The following TRHDE variants were observed in gnomAD, a reference collection of about 807,000 sequenced individuals.
The protein encoded by TRHDE is thyrotropin-releasing hormone-degrading ectoenzyme.
In TRHDE, 72 loss-of-function variants were observed where a neutral mutation model predicts 125.7. That is an observed-to-expected ratio of 0.57 (90% CI 0.47 to 0.70). The LOEUF (loss-of-function observed/expected upper bound fraction) is 0.70, where lower values mean the gene tolerates loss of function less well. Among genes scored for constraint, TRHDE ranks in the 30% least tolerant of loss-of-function variants. TRHDE has a pLI of 0.00. For synonymous variants in TRHDE, 509 were observed against 509.1 expected, an observed-to-expected ratio of 1.00 and a Z score of 0.00; for missense variants, 1,110 against 1,327.1, an observed-to-expected ratio of 0.84 and a Z score of 2.54.
chr12:72,597,656 A>G (rs1871999723), intron 12 of TRHDE, among the ~76,000 whole-genome samples: 1 of 122,120 alleles, frequency 8.2e-6, no homozygotes, highest in Non-Finnish European at 1.6e-5. Context: ...TGCCAGAGCA[A>G]GACCTTGTCT....
At chr12:72,297,637 A>G (rs1259228744) in intron 2 of TRHDE, among the ~76,000 whole-genome samples, 1 of 152,208 alleles carries the variant, frequency 6.6e-6, no homozygotes, top group Non-Finnish European at 1.5e-5. Context: ...AGTGAAAGCC[A>G]TGAACACTGA....
intron 15 of TRHDE, among the ~76,000 whole-genome samples, chr12:72,649,783 A>G (rs1337522706): frequency 6.6e-6 from 1 of 152,088 alleles, no homozygotes; most frequent in Non-Finnish European, 1.5e-5. Flanking sequence ...AGCTATGTGA[A>G]AAAAAGTCAC....
At chr12:72,646,097 G>A (rs1874269083) in intron 15 of TRHDE, among the ~76,000 whole-genome samples, 1 of 151,972 alleles carries the variant, frequency 6.6e-6, no homozygotes, top group Non-Finnish European at 1.5e-5. Context: ...ATGGTGGTGG[G>A]TAAATAATTT....
At chr12:72,267,677 A>T (rs1006236709), upstream of TRHDE, among the ~76,000 whole-genome samples, 1 of 151,988 alleles carries the variant, frequency 6.6e-6, no homozygotes, top group African/African-American at 2.4e-5. Flanking sequence ...AAGTAAAAAT[A>T]AAAAATGAAA....
intron 1 of TRHDE, among the ~76,000 whole-genome samples, chr12:72,281,133 A>G (rs1159470158): frequency 1.3e-5 from 2 of 152,142 alleles, no homozygotes; most frequent in African/African-American, 4.8e-5. Flanking sequence ...CACTTCCTAC[A>G]TACATATTGC....
At chr12:72,514,749 C>T (rs1302277421) in intron 6 of TRHDE, among the ~76,000 whole-genome samples, 5 of 150,446 alleles carry the variant, frequency 3.3e-5, no homozygotes, top group African/African-American at 1.2e-4. Flanking sequence ...AAATCGTCAT[C>T]TAGCATTAGG....
At chr12:72,488,804 C>T (rs529528933) in intron 5 of TRHDE, among the ~76,000 whole-genome samples, 72 of 151,884 alleles carry the variant, frequency 4.7e-4, no homozygotes, top group Middle Eastern at 3.4e-3. Context: ...TAGATAGCAT[C>T]GTTTCAGACC....
intron 6 of TRHDE, among the ~76,000 whole-genome samples, chr12:72,518,175 G>A (rs934489696): frequency 2.0e-5 from 3 of 150,764 alleles, no homozygotes; most frequent in African/African-American, 7.4e-5. Context: ...TTGGTGCAGA[G>A]CTGAGTTCAA....
chr12:72,571,758 C>A (rs1305423197), intron 10 of TRHDE, among the ~76,000 whole-genome samples: 1 of 151,986 alleles, frequency 6.6e-6, no homozygotes. Flanking sequence ...AAAATTAAAG[C>A]AAACATGAAA....
At chr12:72,449,274 C>A (rs1337491600) in intron 3 of TRHDE, among the ~76,000 whole-genome samples, 2 of 151,952 alleles carry the variant, frequency 1.3e-5, no homozygotes, top group Non-Finnish European at 2.9e-5. Context: ...AAATTTAGAG[C>A]AAGTTGACAC....
At chr12:72,662,881 TCA>T (rs1380858115) in intron 18 of TRHDE, among the ~76,000 whole-genome samples, 169 bp from the exon 19 acceptor site, 17 of 152,134 alleles carry the variant, frequency 1.1e-4, no homozygotes, top group African/African-American at 3.9e-4. Context: ...CATATTTCAT[TCA>T]GTTGCCAAGC....
intron 2 of TRHDE, among the ~76,000 whole-genome samples, chr12:72,377,694 C>A (rs1214079182): frequency 1.3e-5 from 2 of 152,146 alleles, no homozygotes; most frequent in African/African-American, 4.8e-5. Context: ...ACCTTCCTAT[C>A]TCTAGCAAGC....
At chr12:72,422,152 G>A (rs1348576) in intron 3 of TRHDE, among the ~76,000 whole-genome samples, 17,683 of 152,106 alleles carry the variant, frequency 0.12, 1,496 homozygotes, top group East Asian at 0.47. Context: ...CTATAGAAAT[G>A]TAGTGGTTTC....
chr12:72,519,203 G>A (rs1172664780), intron 6 of TRHDE, among the ~76,000 whole-genome samples: 4 of 152,074 alleles, frequency 2.6e-5, no homozygotes, highest in East Asian at 1.9e-4. Context: ...GCCTTGCTAG[G>A]TTGGGGAAGT....
intron 3 of TRHDE, among the ~76,000 whole-genome samples, chr12:72,405,901 A>G (rs1471212579): frequency 2.0e-5 from 3 of 152,154 alleles, no homozygotes; most frequent in Non-Finnish European, 4.4e-5. Context: ...CCTTTGCACA[A>G]ACCTTTGCTT....
chr12:72,147,284 C>G (rs1238263420), intron 2 of TRHDE, among the ~76,000 whole-genome samples: 1 of 152,040 alleles, frequency 6.6e-6, no homozygotes, highest in Non-Finnish European at 1.5e-5. Flanking sequence ...CTATCATTAC[C>G]TGATTAAGGA....
intron 12 of TRHDE, among the ~76,000 whole-genome samples, chr12:72,597,401 C>T (rs1481205823): frequency 1.1e-4 from 16 of 151,936 alleles, no homozygotes; most frequent in Non-Finnish European, 1.5e-5. Flanking sequence ...GGCATGGTGG[C>T]TCATGCCTGT....
chr12:72,185,426 T>C (rs2139344525), intron 2 of TRHDE, among the ~76,000 whole-genome samples: 1 of 152,372 alleles, frequency 6.6e-6, no homozygotes, highest in South Asian at 2.1e-4. Context: ...GGCTGAGGAA[T>C]GCGAGCGCAC....
intron 3 of TRHDE, among the ~76,000 whole-genome samples, chr12:72,448,214 A>T (rs561023546): frequency 6.6e-6 from 1 of 152,170 alleles, no homozygotes; most frequent in South Asian, 2.1e-4. Flanking sequence ...ACAACTCTAG[A>T]AGGCTGCCAT....
Sources: allele counts gnomAD v4.1 joint callset (sites outside exome capture counted in the v4.1 genomes callset), GRCh38; gene constraint gnomAD v4.1.1; transcripts MANE v1.5; gene names NCBI Gene and HGNC (gene_info 2026-07-23, HGNC 2026-07-21).